The following BPIFA3 variants were observed in gnomAD, a reference collection of about 807,000 sequenced individuals.
BPIFA3 encodes the protein BPI fold-containing family A member 3.
A neutral mutation model predicts 29.7 loss-of-function variants in BPIFA3; 32 were observed. The observed-to-expected ratio is 1.08, with a 90% CI of 0.81 to 1.45. The LOEUF is 1.45. Ranked by LOEUF, BPIFA3 falls within the 40% of genes most tolerant of loss-of-function variation. The pLI, the probability that BPIFA3 is intolerant of heterozygous loss-of-function variation, is 0.00. For missense variants in BPIFA3, 323 were observed against 311.3 expected, an observed-to-expected ratio of 1.04 and a Z score of -0.28; for synonymous variants, 112 against 113.7, an observed-to-expected ratio of 0.98 and a Z score of 0.10.
chr20:33,222,999 C>T lies in BPIFA3; in HGVS notation c.128-812C>T, dbSNP rs116690017. Among the ~76,000 whole-genome samples, 1,339 of 152,176 alleles carry T rather than the reference C, an allele frequency of 8.8e-3. 17 individuals are homozygous for T. Among genetic ancestry groups the T allele is most frequent in the African/African-American group, 0.029 (1,196 of 41,500 alleles). ...TCACAAGAACCCTGTGAGGTACTGC[C>T]CCTGTTATACAGATGAAGAAGCCAA... On this transcript the variant is annotated intron_variant, in intron 1 of 6. Coordinates refer to ENST00000375454, the MANE Select transcript of BPIFA3 (RefSeq NM_178466.5).
At position 33,217,505 on chromosome 20, in the gene BPIFA3, G is replaced by A; in HGVS notation, c.-32G>A. 1 of 1,609,570 alleles carries A rather than the reference G, an allele frequency of 6.2e-7. No homozygotes were observed. On this transcript the variant is annotated 5_prime_UTR_variant, in exon 1 of 7. The change abolishes the stop of an existing upstream ORF in the 5' untranslated region. Coordinates refer to ENST00000375454, the MANE Select transcript of BPIFA3 (RefSeq NM_178466.5). ...AAAGCCGTCTGCCCAGGCCCCATCT[G>A]ACACTCTTGACATCTGCAGGTCCCA...
rs1214059303 is a variant in BPIFA3, at chr20:33,227,605, G to A, written c.753G>A (p.Glu251=). ...AACCCTCTGCATGCCAGGCTGGAGAGTCCCCCAGCTGACTTCTGCTGATCA... is the reference window on the plus strand; with the variant it reads ...AACCCTCTGCATGCCAGGCTGGAGAATCCCCCAGCTGACTTCTGCTGATCA... ...TSQPSACQAG[E]SPS The change falls in exon 7 of 7, where the codon GAG becomes GAA. Residue 251 remains glutamate, a synonymous_variant. Coordinates refer to ENST00000375454, the MANE Select transcript of BPIFA3 (RefSeq NM_178466.5). 6.2e-7 allele frequency: 1 copy of A among 1,613,860 alleles called. No homozygotes were observed. The highest frequency in any genetic ancestry group is 8.5e-7 in the Non-Finnish European group (1 of 1,179,816).
At chr20:33,223,749 T>C in intron 1 of BPIFA3, 62 bp from the exon 2 acceptor site, 1 of 1,561,916 alleles carries the variant, frequency 6.4e-7, no homozygotes, top group South Asian at 1.2e-5. Context: ...GGCCTCCGAA[T>C]CCCAAGCCCC....
chr20:33,225,739 C>T (rs1447876543), intron 4 of BPIFA3: 2 of 164,506 alleles, frequency 1.2e-5, no homozygotes, highest in South Asian at 1.7e-4. Context: ...TGTCCTCTCC[C>T]CTGCCAACTT....
At position 33,217,587 on chromosome 20, in the gene BPIFA3, G is replaced by A. The variant is rs778425801; in HGVS notation, c.51G>A (p.Leu17=). The A allele has an allele frequency of 6.2e-7, 1 of 1,614,004 alleles. No homozygotes were observed. Among genetic ancestry groups the A allele is most frequent in the Non-Finnish European group, 8.5e-7 (1 of 1,180,024 alleles). ...TCATCTTCCTCGGGTTGCTGGCCTT[G>A]CCCTTGGCACCACACAAGCAGCCTT... ...RLLIFLGLLA[L]PLAPHKQPWP... The change falls in exon 1 of 7, where the codon TTG becomes TTA. Residue 17 remains leucine, a synonymous_variant. Transcript: ENST00000375454.
rs140955630 is a variant in BPIFA3, at chr20:33,220,291, G to T, written c.127+2628G>T. The stretch of plus-strand genomic sequence containing the variant: ...TGAGGGCCTGTAGTCCCAGCTACTC[G>T]GGAGGCTGAGGTAGGAGAATGACGT... On this transcript the variant is annotated intron_variant, in intron 1 of 6. Transcript: ENST00000375454. Among the ~76,000 whole-genome samples the T allele has an allele frequency of 3.7e-3, 569 of 151,806 alleles. 4 individuals are homozygous for T. Among genetic ancestry groups the T allele is most frequent in the African/African-American group, 0.013 (546 of 41,360 alleles).
chr20:33,225,733 C>G (rs1364448659), intron 4 of BPIFA3: 1 of 165,544 alleles, frequency 6.0e-6, no homozygotes, highest in East Asian at 1.8e-4. Context: ...CCTGCTTGTC[C>G]TCTCCCCTGC....
rs540195255 is a variant in BPIFA3 at position 33,226,281 on chromosome 20, A to G, written c.537-125A>G. ...ACCCCTTTGATGATCACTGACAATG[A>G]TACTTCTGGCATGGGGCTGAGTGAG... is the stretch of plus-strand genomic sequence containing the variant. On this transcript the variant is annotated intron_variant, in intron 4 of 6. Coordinates refer to ENST00000375454, the MANE Select transcript of BPIFA3 (RefSeq NM_178466.5). 5 of 711,104 alleles carry G rather than the reference A, an allele frequency of 7.0e-6. No individual in the cohort carries two copies. The Admixed American group carries it at 1.4e-4, about 20-fold the overall frequency. The allele number at this position is 711,104 out of a possible 1,614,324, so 44.0% of individuals were successfully genotyped here. A position where few individuals can be genotyped will look rare whatever the true frequency, so the allele number is the denominator to read the frequency against.
intron 1 of BPIFA3, among the ~76,000 whole-genome samples, chr20:33,222,607 A>ATGG (rs1985574268): frequency 2.9e-5 from 3 of 103,352 alleles, no homozygotes; most frequent in African/African-American, 5.6e-5. Flanking sequence ...TGGATGGATG[A>ATGG]GTGGATGGAT....
intron 1 of BPIFA3, among the ~76,000 whole-genome samples, chr20:33,221,303 C>A (rs1286643629): frequency 6.6e-6 from 1 of 152,062 alleles, no homozygotes; most frequent in Non-Finnish European, 1.5e-5. Flanking sequence ...TACAGGTGCC[C>A]CCACTACCAC....
At chr20:33,220,817 C>T (rs150383359) in intron 1 of BPIFA3, among the ~76,000 whole-genome samples, 1 of 152,260 alleles carries the variant, frequency 6.6e-6, no homozygotes, top group Non-Finnish European at 1.5e-5. Flanking sequence ...CTCTTCTAAG[C>T]CTGACACTTC....
rs1985305735 is a variant in BPIFA3, at chr20:33,217,475, C to A, written c.-62C>A. 5 of 1,581,380 alleles carry A rather than the reference C, an allele frequency of 3.2e-6. No homozygotes were observed. The highest frequency in any genetic ancestry group is 2.3e-5 in the East Asian group (1 of 44,316). On this transcript the variant is annotated 5_prime_UTR_variant, in exon 1 of 7. Transcript: ENST00000375454. ...ATTAGACCATCCCTCCAGACTGCCA[C>A]CCTCAAAGCCGTCTGCCCAGGCCCC... is the stretch of plus-strand genomic sequence containing the variant.
Position 33,227,726 on chromosome 20 carries a change from C to A in BPIFA3, c.*109C>A. On this transcript the variant is annotated 3_prime_UTR_variant, in exon 7 of 7. Transcript: ENST00000375454. ...CCCCAGGCTCTGTGGACATACCATC[C>A]TCTCCTACAATAAACTCTAGCTCTG... 1.2e-6 allele frequency: 1 copy of A among 868,700 alleles called. No individual in the cohort carries two copies. Among genetic ancestry groups the A allele is most frequent in the Non-Finnish European group, 1.8e-6 (1 of 542,068 alleles). The allele number at this position is 868,700 out of a possible 1,614,324, so 53.8% of individuals were successfully genotyped here.
At chr20:33,226,107 T>C in intron 4 of BPIFA3, 1 of 281,668 alleles carries the variant, frequency 3.6e-6, no homozygotes. Flanking sequence ...GTTCATTTAT[T>C]CATCAGATAT....
Position 33,223,872 on chromosome 20 carries a change from G to A in BPIFA3, c.189G>A (p.Gly63=), listed in dbSNP as rs767997234. 24 of 1,614,064 alleles carry A rather than the reference G, an allele frequency of 1.5e-5. No individual in the cohort carries two copies. The South Asian group carries it at 2.6e-4, about 18-fold the overall frequency. The part of the protein sequence containing the change: ...AESRIQNIHF[G]DRLNASAQVA... ...GCCGAATTCAGAACATCCACTTTGGGGACAGACTGAATGCCTCAGCACAAG... is the reference window on the plus strand; with the variant it reads ...GCCGAATTCAGAACATCCACTTTGGAGACAGACTGAATGCCTCAGCACAAG... The change falls in exon 2 of 7, where the codon GGG becomes GGA. Residue 63 remains glycine, a synonymous_variant. Coordinates refer to ENST00000375454, the MANE Select transcript of BPIFA3 (RefSeq NM_178466.5).
chr20:33,218,538 G>A (rs931883117), intron 1 of BPIFA3, among the ~76,000 whole-genome samples: 1 of 152,204 alleles, frequency 6.6e-6, no homozygotes, highest in Non-Finnish European at 1.5e-5. Flanking sequence ...AGATCAAGAT[G>A]CAAATAGGGT....
intron 1 of BPIFA3, among the ~76,000 whole-genome samples, chr20:33,220,441 A>G (rs371087990): frequency 1.3e-5 from 2 of 152,098 alleles, no homozygotes; most frequent in East Asian, 3.8e-4. Context: ...GTTAAAATGA[A>G]TTTGTTAATT....
At position 33,223,592 on chromosome 20, in the gene BPIFA3, G is replaced by T. The variant is rs1430603254; in HGVS notation, c.128-219G>T. On this transcript the variant is annotated intron_variant, in intron 1 of 6. Transcript: ENST00000375454. ...ACCCCACTTTGAGCAGCTGTTGCCTGCCACACCCTCTGCAGGTGTTTTTCT... is the reference window on the plus strand; with the variant it reads ...ACCCCACTTTGAGCAGCTGTTGCCTTCCACACCCTCTGCAGGTGTTTTTCT... 6.0e-6 allele frequency: 3 copies of T among 497,712 alleles called. No individual in the cohort carries two copies. In the East Asian group the frequency reaches 9.8e-5, roughly 16 times the overall value. The allele number at this position is 497,712 out of a possible 1,614,324, so 30.8% of individuals were successfully genotyped here.
chr20:33,227,343 T>G (rs190664760), intron 6 of BPIFA3, among the ~76,000 whole-genome samples, 195 bp from the exon 7 acceptor site: 26 of 152,324 alleles, frequency 1.7e-4, no homozygotes, highest in Admixed American at 1.3e-3. Context: ...TTATAGTCCC[T>G]GCCCATATAG....
Sources: allele counts gnomAD v4.1 joint callset (sites outside exome capture counted in the v4.1 genomes callset), GRCh38; gene constraint gnomAD v4.1.1; transcripts MANE v1.5; gene names NCBI Gene and HGNC (gene_info 2026-07-23, HGNC 2026-07-21).